USP9Y: variants seen among roughly 807,000 people sequenced by gnomAD.
The protein encoded by USP9Y is ubiquitin specific peptidase 9 Y-linked, also known as ubiquitin carboxyl-terminal hydrolase 9Y.
In USP9Y, 41 loss-of-function variants were observed where a neutral mutation model predicts 53.1. That is an observed-to-expected ratio of 0.77 (90% CI 0.60 to 1.00). The LOEUF (loss-of-function observed/expected upper bound fraction) is 1.00. USP9Y is among the 50% of genes least tolerant of loss of function. The pLI is 0.00. For synonymous variants in USP9Y, 220 were observed against 173.7 expected, an observed-to-expected ratio of 1.27 and a Z score of -2.09; for missense variants, 567 against 535.8, an observed-to-expected ratio of 1.06 and a Z score of -0.58.
At chrY:12,771,507 G>C in intron 16 of USP9Y, among the ~76,000 whole-genome samples, 1 of 33,917 alleles carries the variant, frequency 2.9e-5, no homozygotes, top group East Asian at 7.6e-4. Flanking sequence ...TTAATGACAT[G>C]TATTTTTTTA....
intron 32 of USP9Y, among the ~76,000 whole-genome samples, chrY:12,817,692 G>A: frequency 2.9e-5 from 1 of 33,966 alleles, no homozygotes; most frequent in African/African-American, 1.1e-4. Flanking sequence ...AGTAAGTGAG[G>A]CCAACAGAAC....
intron 27 of USP9Y, among the ~76,000 whole-genome samples, chrY:12,808,462 G>T (rs774594111): frequency 3.0e-5 from 1 of 33,624 alleles, no homozygotes; most frequent in African/African-American, 1.2e-4. Context: ...GAGGTGGTAT[G>T]GTAACACCAC....
intron 45 of USP9Y, among the ~76,000 whole-genome samples, 183 bp downstream of exon 45, chrY:12,857,844 A>C: frequency 2.9e-5 from 1 of 34,233 alleles, no homozygotes; most frequent in African/African-American, 1.1e-4. Context: ...TGTGACTGTA[A>C]AGTAATAAAT....
chrY:12,758,333 C>T (rs2053471456), intron 13 of USP9Y, among the ~76,000 whole-genome samples, 173 bp from the exon 14 acceptor site: 2 of 33,785 alleles, frequency 5.9e-5, no homozygotes, highest in African/African-American at 1.1e-4. Flanking sequence ...TTCTTTATAA[C>T]TTCAAAATAA....
rs372856441 is a variant in USP9Y at position 12,783,810 on chromosome Y, A to G, written c.3152-2393A>G. Among the ~76,000 whole-genome samples, 458 of 33,533 alleles carry G rather than the reference A, an allele frequency of 0.014. No individual in the cohort carries two copies. In the Middle Eastern group the frequency reaches 0.28, roughly 20 times the overall value. 90.0% of individuals were successfully genotyped at this position (33,533 alleles called of 37,273 possible). On this transcript the variant is annotated intron_variant, in intron 22 of 45. Coordinates refer to ENST00000338981, the MANE Select transcript of USP9Y (RefSeq NM_004654.4). Reference sequence around the variant, plus strand: ...TTACCTCCAATTTTAGTTCAGTTCCACAAGCTTCTTTTTGTTTCTTTTCTC... The same window carrying G: ...TTACCTCCAATTTTAGTTCAGTTCCGCAAGCTTCTTTTTGTTTCTTTTCTC...
At chrY:12,837,377 A>G in intron 34 of USP9Y, among the ~76,000 whole-genome samples, 5 of 32,306 alleles carry the variant, frequency 1.5e-4, no homozygotes, top group African/African-American at 6.1e-4. Context: ...TGTTATTATT[A>G]CATTATAATA....
At chrY:12,747,238 G>T in intron 12 of USP9Y, among the ~76,000 whole-genome samples, 1 of 33,823 alleles carries the variant, frequency 3.0e-5, no homozygotes, top group Admixed American at 2.7e-4. Context: ...TTTAAGAGCA[G>T]TCTAGGAATA....
intron 27 of USP9Y, among the ~76,000 whole-genome samples, chrY:12,809,463 G>A (rs916420644): frequency 4.3e-4 from 14 of 32,521 alleles, no homozygotes; most frequent in Non-Finnish European, 9.9e-4. Flanking sequence ...GTTTGAGTGG[G>A]GTGGAGGAGA....
At chrY:12,759,512 A>G (rs1010341993) in intron 14 of USP9Y, among the ~76,000 whole-genome samples, 5 of 32,852 alleles carry the variant, frequency 1.5e-4, no homozygotes, top group Non-Finnish European at 3.7e-4. Context: ...CCTCACCAAC[A>G]TGGTGAAACC....
chrY:12,712,256 T>C (rs2053425633), intron 3 of USP9Y, among the ~76,000 whole-genome samples: 6 of 33,468 alleles, frequency 1.8e-4, no homozygotes, highest in Admixed American at 8.1e-4. Flanking sequence ...AATCTGTCCA[T>C]TTCTCATGGA....
intron 3 of USP9Y, among the ~76,000 whole-genome samples, chrY:12,716,708 A>G (rs2053431031): frequency 3.0e-5 from 1 of 33,436 alleles, no homozygotes; most frequent in Non-Finnish European, 7.4e-5. Context: ...GGTTCACGCC[A>G]TTCTCCTGCC....
At chrY:12,855,995 A>C in intron 42 of USP9Y, among the ~76,000 whole-genome samples, 1 of 32,243 alleles carries the variant, frequency 3.1e-5, no homozygotes, top group Admixed American at 2.9e-4. Context: ...GAAATATGAA[A>C]AATTATGTGG....
intron 33 of USP9Y, among the ~76,000 whole-genome samples, chrY:12,819,498 A>G: frequency 3.2e-5 from 1 of 31,519 alleles, no homozygotes; most frequent in Non-Finnish European, 7.7e-5. Flanking sequence ...GTTTCTTTCA[A>G]CTTCTTTCAT....
intron 33 of USP9Y, among the ~76,000 whole-genome samples, chrY:12,828,728 C>T: frequency 1.5e-4 from 5 of 32,532 alleles, no homozygotes; most frequent in African/African-American, 6.0e-4. Context: ...ATGGCAGGGG[C>T]AAAATGGAGA....
intron 39 of USP9Y, among the ~76,000 whole-genome samples, chrY:12,843,843 TG>T (rs2053564481): frequency 6.0e-5 from 2 of 33,162 alleles, no homozygotes; most frequent in Admixed American, 5.6e-4. Flanking sequence ...TGTGTTTTGA[TG>T]GTTTTTAAAA....
intron 3 of USP9Y, among the ~76,000 whole-genome samples, chrY:12,715,322 GT>G (rs2053429601): frequency 4.3e-4 from 11 of 25,391 alleles, no homozygotes; most frequent in Admixed American, 1.4e-3. Context: ...CTTCTTAGTA[GT>G]TTTTTTTTTT....
At chrY:12,718,231 C>T (rs2053432705) in intron 3 of USP9Y, among the ~76,000 whole-genome samples, 1 of 33,773 alleles carries the variant, frequency 3.0e-5, no homozygotes, top group Admixed American at 2.7e-4. Context: ...AATCATTAAT[C>T]GCAGTTATCT....
At chrY:12,799,874 G>A in intron 27 of USP9Y, among the ~76,000 whole-genome samples, 2 of 33,801 alleles carry the variant, frequency 5.9e-5, no homozygotes, top group African/African-American at 1.2e-4. Context: ...ATTTGAATCG[G>A]CAGTGGCAAA....
intron 15 of USP9Y, among the ~76,000 whole-genome samples, chrY:12,763,331 A>G (rs1603198583): frequency 1.5e-4 from 5 of 33,396 alleles, no homozygotes; most frequent in African/African-American, 3.5e-4. Context: ...TCAACAAACT[A>G]TCAACCACTT....
Sources: gnomAD v4.1 joint callset for allele counts (sites outside exome capture counted in the v4.1 genomes callset) on GRCh38, gnomAD v4.1.1 for gene constraint, MANE v1.5 for transcripts, NCBI Gene and HGNC (gene_info 2026-07-23, HGNC 2026-07-21) for gene names.